RPS6KC1: variants seen among roughly 807,000 people sequenced by gnomAD.
The protein encoded by RPS6KC1 is ribosomal protein S6 kinase C1.
A neutral mutation model predicts 103.8 loss-of-function variants in RPS6KC1; 54 were observed. The ratio of observed to expected loss-of-function variants is 0.52; its 90% confidence interval spans 0.42 to 0.65. The LOEUF (loss-of-function observed/expected upper bound fraction) is 0.65, where lower values mean the gene tolerates loss of function less well. RPS6KC1 is among the 30% of genes least tolerant of loss of function. RPS6KC1 has a pLI of 0.00. For missense variants in RPS6KC1, 1,151 were observed against 1,253.8 expected (o/e 0.92, Z 1.24); for synonymous variants, 439 against 438.7 (o/e 1.00, Z -0.01).
At chr1:213,831,019 T>C in the RPS6KC1 span, among the ~76,000 whole-genome samples, 1 of 152,144 alleles carries the variant, frequency 6.6e-6, no homozygotes, top group Non-Finnish European at 1.5e-5. Context: ...CATCCTTCAC[T>C]AAAGTTCCTG....
At position 213,092,540 on chromosome 1, in the gene RPS6KC1, C is replaced by T. The variant is rs372151166; in HGVS notation, c.263-11914C>T. 1.4e-4 allele frequency among the ~76,000 whole-genome samples: 22 copies of T among 151,920 alleles called. 1 individual carries two copies. The highest frequency in any genetic ancestry group is 1.1e-3 in the Admixed American group (17 of 15,278). ...CGAAAAATTAGGCCGGGCATGGTGG[C>T]GGGCACCTGAAGTCCCAGCTACTCA... On this transcript the variant is annotated intron_variant, in intron 3 of 14. Coordinates refer to ENST00000366960, the MANE Select transcript of RPS6KC1 (RefSeq NM_012424.6).
At chr1:213,806,436 G>A in the RPS6KC1 span, among the ~76,000 whole-genome samples, 4 of 152,196 alleles carry the variant, frequency 2.6e-5, no homozygotes, top group African/African-American at 9.7e-5. Flanking sequence ...AGGTCACCCA[G>A]GACTTACTTT....
chr1:213,082,292 G>T (rs527439073), intron 3 of RPS6KC1, among the ~76,000 whole-genome samples: 26 of 152,058 alleles, frequency 1.7e-4, no homozygotes, highest in Non-Finnish European at 7.4e-5. Flanking sequence ...TTAGCCAGGC[G>T]TGGTGGCAGG....
At chr1:213,155,993 TG>T (rs2089845000) in intron 6 of RPS6KC1, among the ~76,000 whole-genome samples, 2 of 152,212 alleles carry the variant, frequency 1.3e-5, no homozygotes, top group African/African-American at 2.4e-5. Flanking sequence ...AAATTCAAAA[TG>T]TTACCATTCA....
At chr1:213,088,655 G>A (rs1452561879) in intron 3 of RPS6KC1, among the ~76,000 whole-genome samples, 1 of 152,116 alleles carries the variant, frequency 6.6e-6, no homozygotes, top group Non-Finnish European at 1.5e-5. Context: ...GAGCCACTGC[G>A]CCTGGCCTCA....
At chr1:213,463,146 A>T in the RPS6KC1 span, among the ~76,000 whole-genome samples, 1 of 152,250 alleles carries the variant, frequency 6.6e-6, no homozygotes, top group South Asian at 2.1e-4. Context: ...CAAACAACAC[A>T]AAGCTGAAAC....
At chr1:213,700,712 G>A in the RPS6KC1 span, among the ~76,000 whole-genome samples, 1 of 151,596 alleles carries the variant, frequency 6.6e-6, no homozygotes, top group Non-Finnish European at 1.5e-5. Context: ...CCAGTTTTTG[G>A]TACCCTCTTA....
At chr1:213,550,358 C>G in the RPS6KC1 span, among the ~76,000 whole-genome samples, 1 of 152,154 alleles carries the variant, frequency 6.6e-6, no homozygotes, top group Non-Finnish European at 1.5e-5. Flanking sequence ...TTTCTTTTCC[C>G]TGTTGGTAGG....
intron 1 of RPS6KC1, among the ~76,000 whole-genome samples, chr1:213,060,133 T>C (rs1467730127): frequency 6.6e-6 from 1 of 152,244 alleles, no homozygotes; most frequent in Non-Finnish European, 1.5e-5. Context: ...TTTTACTTTT[T>C]AGTTTTGTTA....
intron 8 of RPS6KC1, among the ~76,000 whole-genome samples, chr1:213,208,824 T>A (rs2093425977): frequency 6.6e-6 from 1 of 151,616 alleles, no homozygotes. Flanking sequence ...CTTCTGCTTG[T>A]GTAGAAAAGG....
chr1:213,458,536 C>G, the RPS6KC1 span, among the ~76,000 whole-genome samples: 1 of 152,120 alleles, frequency 6.6e-6, no homozygotes, highest in Non-Finnish European at 1.5e-5. Flanking sequence ...ATTGCTGGGT[C>G]AAATGGTAGT....
chr1:213,382,098 A>C, the RPS6KC1 span, among the ~76,000 whole-genome samples: 3 of 152,104 alleles, frequency 2.0e-5, no homozygotes, highest in African/African-American at 7.2e-5. Flanking sequence ...GTTGGCTCTG[A>C]TTGAGCTAGA....
intron 6 of RPS6KC1, among the ~76,000 whole-genome samples, chr1:213,154,768 A>G (rs755027579): frequency 3.3e-5 from 5 of 152,152 alleles, no homozygotes; most frequent in Admixed American, 6.5e-5. Flanking sequence ...GCTGGTATCT[A>G]AGGTACAAGA....
intron 10 of RPS6KC1, among the ~76,000 whole-genome samples, chr1:213,238,892 C>G (rs1372902853): frequency 1.3e-5 from 2 of 152,070 alleles, no homozygotes; most frequent in African/African-American, 4.8e-5. Context: ...GAAAACCACC[C>G]AAATCATTTT....
At chr1:213,602,106 T>TTCTCTCTCTCTCTCTC in the RPS6KC1 span, among the ~76,000 whole-genome samples, 1 of 34,654 alleles carries the variant, frequency 2.9e-5, no homozygotes, top group African/African-American at 1.5e-4. Flanking sequence ...CTTTCTTTCT[T>TTCTCTCTCTCTCTCTC]TCTTTCTTTC....
the RPS6KC1 span, among the ~76,000 whole-genome samples, chr1:213,745,826 T>G: frequency 6.6e-6 from 1 of 152,200 alleles, no homozygotes; most frequent in Admixed American, 6.5e-5. Flanking sequence ...CTTTGAAGGA[T>G]GCTCAGGTTA....
the RPS6KC1 span, among the ~76,000 whole-genome samples, chr1:213,717,845 C>T: frequency 6.6e-6 from 1 of 152,132 alleles, no homozygotes; most frequent in African/African-American, 2.4e-5. Flanking sequence ...CCAGATTCTG[C>T]CTGGGTGTGA....
chr1:213,364,833 C>G, the RPS6KC1 span, among the ~76,000 whole-genome samples: 2 of 151,942 alleles, frequency 1.3e-5, no homozygotes, highest in Non-Finnish European at 1.5e-5. Flanking sequence ...TGGCGGGCAC[C>G]TGTTTTTCCA....
At chr1:213,097,709 G>C (rs982381266) in intron 3 of RPS6KC1, among the ~76,000 whole-genome samples, 1 of 152,184 alleles carries the variant, frequency 6.6e-6, no homozygotes, top group Non-Finnish European at 1.5e-5. Flanking sequence ...CTGTTCTTTA[G>C]TGTAGCCATC....
Sources: gnomAD v4.1 joint callset for allele counts (sites outside exome capture counted in the v4.1 genomes callset) on GRCh38, gnomAD v4.1.1 for gene constraint, MANE v1.5 for transcripts, NCBI Gene and HGNC (gene_info 2026-07-23, HGNC 2026-07-21) for gene names.